Variants in ANKRD44 observed in about 807,000 individuals in gnomAD.
ANKRD44 encodes the protein serine/threonine-protein phosphatase 6 regulatory ankyrin repeat subunit B.
A neutral mutation model predicts 116.0 loss-of-function variants in ANKRD44; 35 were observed. That is an observed-to-expected ratio of 0.30 (90% CI 0.23 to 0.40). The LOEUF (loss-of-function observed/expected upper bound fraction) is 0.40, where lower values mean the gene tolerates loss of function less well. Among genes scored for constraint, ANKRD44 ranks in the 10% least tolerant of loss-of-function variants. The pLI, the probability that ANKRD44 is intolerant of heterozygous loss-of-function variation, is 1.00. For missense variants in ANKRD44, 1,014 were observed against 1,242.6 expected (o/e 0.82, Z 2.77); for synonymous variants, 435 against 461.8 (o/e 0.94, Z 0.74).
chr2:197,109,975 C>A (rs1473218354), intron 9 of ANKRD44, among the ~76,000 whole-genome samples: 1 of 108,842 alleles, frequency 9.2e-6, no homozygotes, highest in African/African-American at 2.9e-5. Flanking sequence ...TCTGTCAAGC[C>A]TGTGAATTTT....
Position 196,993,691 on chromosome 2 carries a change from C to A in ANKRD44, c.2832-17G>T. 1 of 1,547,976 alleles carries A rather than the reference C, an allele frequency of 6.5e-7. No homozygotes were observed. The highest frequency in any genetic ancestry group is 1.2e-5 in the South Asian group (1 of 83,966). The stretch of plus-strand genomic sequence containing the variant: ...TGGAGGGGTCTAAAAAACACAAGAC[C>A]GAGCATCAGTTGTGATACATATTTG... On this transcript the variant is annotated splice_polypyrimidine_tract_variant and intron_variant, in intron 26 of 27. Coordinates refer to ENST00000282272, the MANE Select transcript of ANKRD44 (RefSeq NM_001195144.2).
intron 3 of ANKRD44, among the ~76,000 whole-genome samples, chr2:197,138,111 A>G (rs1032420883): frequency 1.3e-5 from 2 of 152,230 alleles, no homozygotes; most frequent in South Asian, 2.1e-4. Flanking sequence ...TAACAACAAC[A>G]GTAATAATAC....
chr2:197,113,852 G>A (rs1379963199), intron 8 of ANKRD44, among the ~76,000 whole-genome samples: 1 of 152,146 alleles, frequency 6.6e-6, no homozygotes, highest in Non-Finnish European at 1.5e-5. Flanking sequence ...TTCATCTATA[G>A]CCTGAGTCCA....
chr2:196,998,436 A>T lies in ANKRD44; in HGVS notation c.2666-17T>A. 6.2e-7 allele frequency: 1 copy of T among 1,600,212 alleles called. No individual in the cohort carries two copies. On this transcript the variant is annotated splice_polypyrimidine_tract_variant and intron_variant, in intron 24 of 27. Transcript: ENST00000282272. ...CCAAAATATCTGTAGAAAAAGCCCAAAAGAGGGTTACTTAGATGAGATGCT... is the reference window on the plus strand; with the variant it reads ...CCAAAATATCTGTAGAAAAAGCCCATAAGAGGGTTACTTAGATGAGATGCT...
intron 2 of ANKRD44, among the ~76,000 whole-genome samples, chr2:197,151,709 C>A (rs896427678): frequency 6.6e-6 from 1 of 152,178 alleles, no homozygotes; most frequent in African/African-American, 2.4e-5. Flanking sequence ...ATTAGGGATA[C>A]AAAATTTAAA....
intron 1 of ANKRD44, among the ~76,000 whole-genome samples, chr2:197,190,556 C>T (rs1652734344): frequency 6.6e-6 from 1 of 152,080 alleles, no homozygotes; most frequent in Non-Finnish European, 1.5e-5. Flanking sequence ...AAAAACATTC[C>T]CAGAGAGCAC....
intron 1 of ANKRD44, among the ~76,000 whole-genome samples, chr2:197,271,803 T>C (rs1412869581): frequency 6.6e-6 from 1 of 152,190 alleles, no homozygotes; most frequent in Non-Finnish European, 1.5e-5. Context: ...AGTTTCACCA[T>C]GTTGCCCAGG....
At chr2:197,189,572 CA>C (rs556742271) in intron 1 of ANKRD44, among the ~76,000 whole-genome samples, 6 of 151,226 alleles carry the variant, frequency 4.0e-5, no homozygotes, top group African/African-American at 2.4e-5. Flanking sequence ...AGGGTTTCGA[CA>C]AAAAAAAATA....
chr2:197,230,167 T>A (rs1172584144), intron 1 of ANKRD44, among the ~76,000 whole-genome samples: 2 of 152,144 alleles, frequency 1.3e-5, no homozygotes, highest in Admixed American at 6.5e-5. Flanking sequence ...TGCCAAGAAT[T>A]TTTTTAAAGG....
At chr2:197,011,236 C>T (rs2076294252) in intron 18 of ANKRD44, among the ~76,000 whole-genome samples, 1 of 152,184 alleles carries the variant, frequency 6.6e-6, no homozygotes, top group East Asian at 1.9e-4. Context: ...CATGGAAAAA[C>T]AGCATATTTT....
chr2:197,299,232 T>C (rs1267238516), intron 1 of ANKRD44, among the ~76,000 whole-genome samples: 1 of 152,202 alleles, frequency 6.6e-6, no homozygotes, highest in Non-Finnish European at 1.5e-5. Context: ...GGTCTGTTTT[T>C]TCTGTAGGCA....
chr2:197,061,783 C>CTTTTT lies in ANKRD44; in HGVS notation c.1650+16915_1650+16919dup, dbSNP rs3031992. Among the ~76,000 whole-genome samples the CTTTTT allele has an allele frequency of 9.7e-5, 14 of 143,748 alleles. 1 individual carries two copies. The highest frequency in any genetic ancestry group is 9.0e-5 in the Non-Finnish European group (6 of 66,552). 94.3% of individuals were successfully genotyped at this position (143,748 alleles called of 152,430 possible). The stretch of plus-strand genomic sequence containing the variant: ...ATCTCCTTGAAAGTAATATCCATGC[C>CTTTTT]TTTTTTTTTTTTTCTGAGGCAGAGT... On this transcript the variant is annotated intron_variant, in intron 16 of 27. Transcript: ENST00000282272.
At chr2:197,138,168 A>G (rs143921264) in intron 3 of ANKRD44, among the ~76,000 whole-genome samples, 68 of 152,332 alleles carry the variant, frequency 4.5e-4, no homozygotes, top group Middle Eastern at 3.4e-3. Flanking sequence ...AGTGAATAGG[A>G]AAGTGCTTTG....
chr2:197,204,316 C>T (rs1251080049), intron 1 of ANKRD44, among the ~76,000 whole-genome samples: 3 of 152,092 alleles, frequency 2.0e-5, no homozygotes, highest in Non-Finnish European at 4.4e-5. Context: ...TTGGCAGATA[C>T]ACTTTCTTTT....
At position 197,291,710 on chromosome 2, in the gene ANKRD44, C is replaced by CATGTGCACA. The variant is rs2083573944; in HGVS notation, c.27+18859_27+18867dup. Among the ~76,000 whole-genome samples, 5 of 152,194 alleles carry CATGTGCACA rather than the reference C, an allele frequency of 3.3e-5. No homozygotes were observed. The South Asian group carries it at 1.0e-3, about 32-fold the overall frequency. ...AAATTATACTTTAAGTTCTAGGGTA[C>CATGTGCACA]ATGTGCACAATGTGCAGGTTTGATA... On this transcript the variant is annotated intron_variant, in intron 1 of 27. Transcript: ENST00000282272.
intron 1 of ANKRD44, 133 bp downstream of exon 1, chr2:197,310,445 G>T (rs2084218484): frequency 1.3e-5 from 7 of 543,300 alleles, no homozygotes; most frequent in Non-Finnish European, 1.6e-5. Context: ...GGCACCGGCG[G>T]CCGCACACAG....
chr2:197,114,694 G>C (rs2078667537), intron 8 of ANKRD44, among the ~76,000 whole-genome samples: 1 of 152,088 alleles, frequency 6.6e-6, no homozygotes, highest in South Asian at 2.1e-4. Context: ...GTACACCCCT[G>C]GGGTCACAGA....
intron 3 of ANKRD44, among the ~76,000 whole-genome samples, chr2:197,142,149 A>C (rs2079382679): frequency 6.6e-6 from 1 of 152,246 alleles, no homozygotes; most frequent in African/African-American, 2.4e-5. Context: ...TCTTCATCTT[A>C]TCCCTGTTAC....
chr2:196,971,205 C>T (rs1387398300), intron 21 of ANKRD44, among the ~76,000 whole-genome samples: 1 of 152,140 alleles, frequency 6.6e-6, no homozygotes, highest in Non-Finnish European at 1.5e-5. Flanking sequence ...TAGGTCCTGA[C>T]ATAACTTTGC....
Sources: gnomAD v4.1 joint callset for allele counts (sites outside exome capture counted in the v4.1 genomes callset) on GRCh38, gnomAD v4.1.1 for gene constraint, MANE v1.5 for transcripts, NCBI Gene and HGNC (gene_info 2026-07-23, HGNC 2026-07-21) for gene names.